The following CWH43 variants were observed in gnomAD, a reference collection of about 807,000 sequenced individuals.
CWH43 encodes the protein cell wall biogenesis 43 C-terminal homolog.
CWH43 carries 91 observed loss-of-function variants against 85.7 expected under a neutral mutation model. That is an observed-to-expected ratio of 1.06 (90% confidence interval 0.90 to 1.26). The LOEUF (loss-of-function observed/expected upper bound fraction) is 1.26, where lower values mean the gene tolerates loss of function less well. Among genes scored for constraint, CWH43 ranks in the 50% most tolerant of loss-of-function variants. The pLI, the probability that CWH43 is intolerant of heterozygous loss-of-function variation, is 0.00. For synonymous variants in CWH43, 323 were observed against 293.6 expected, an observed-to-expected ratio of 1.10 and a Z score of -1.02; for missense variants, 869 against 839.2, an observed-to-expected ratio of 1.04 and a Z score of -0.44.
At chr4:48,996,373 A>G (rs1782814382) in intron 5 of CWH43, among the ~76,000 whole-genome samples, 1 of 152,202 alleles carries the variant, frequency 6.6e-6, no homozygotes, top group East Asian at 1.9e-4. Context: ...TCTGTATTAC[A>G]GATTTTAAAA....
At chr4:49,016,194 C>T (rs1783536607) in intron 8 of CWH43, among the ~76,000 whole-genome samples, 1 of 152,260 alleles carries the variant, frequency 6.6e-6, no homozygotes, top group Non-Finnish European at 1.5e-5. Context: ...TACACATTTC[C>T]CCTTTGCACA....
intron 3 of CWH43, 76 bp downstream of exon 3, chr4:48,991,650 T>C: frequency 6.5e-7 from 1 of 1,529,342 alleles, no homozygotes; most frequent in Non-Finnish European, 8.9e-7. Context: ...GGCCAGGAGT[T>C]CCAGGTTATA....
intron 4 of CWH43, among the ~76,000 whole-genome samples, chr4:48,993,799 G>A (rs1782728203): frequency 6.6e-6 from 1 of 152,122 alleles, no homozygotes; most frequent in African/African-American, 2.4e-5. Context: ...TTGTTGCCCG[G>A]GCTGGAGTGC....
In CWH43 at chr4:48,988,629, A is replaced by C. The variant is rs747699030; in HGVS notation, c.196A>C (p.Lys66Gln). The C allele has an allele frequency of 6.2e-7, 1 of 1,612,976 alleles. No individual in the cohort carries two copies. The highest frequency in any genetic ancestry group is 1.3e-5 in the African/African-American group (1 of 75,012). The change falls in exon 2 of 16, where the codon AAG becomes CAG. Residue 66 changes from lysine (K) to glutamine (Q), a missense_variant. Around this residue, in one of 3 missense-constraint regions of CWH43, gnomAD observed 140 missense variants for 122.6 expected, o/e 1.14. Coordinates refer to ENST00000226432, the MANE Select transcript of CWH43 (RefSeq NM_025087.3). ...TITPFWKLVN[K>Q]KWMLTLLRII... ...TACTCCTTTCTGGAAATTGGTTAACAAGAAGTGGATGCTAACCCTGCTGAG... is the reference window on the plus strand; with the variant it reads ...TACTCCTTTCTGGAAATTGGTTAACCAGAAGTGGATGCTAACCCTGCTGAG...
At chr4:49,028,971 T>C (rs1450230518) in intron 10 of CWH43, among the ~76,000 whole-genome samples, 2 of 152,166 alleles carry the variant, frequency 1.3e-5, no homozygotes, top group Non-Finnish European at 2.9e-5. Flanking sequence ...TCTGAGCAAC[T>C]CCTCATACTG....
chr4:49,040,208 G>A (rs1028362835), intron 13 of CWH43, among the ~76,000 whole-genome samples: 26 of 151,968 alleles, frequency 1.7e-4, no homozygotes, highest in African/African-American at 6.0e-4. Flanking sequence ...ATAAACATAC[G>A]TGTGCATGTG....
chr4:49,018,002 A>AT (rs879322744), intron 9 of CWH43, among the ~76,000 whole-genome samples: 97 of 146,706 alleles, frequency 6.6e-4, no homozygotes, highest in African/African-American at 1.2e-3. Flanking sequence ...TGCCCGGCTA[A>AT]TTTTTTTTTT....
chr4:49,049,281 C>T (rs1313888710), intron 14 of CWH43, among the ~76,000 whole-genome samples: 1 of 152,156 alleles, frequency 6.6e-6, no homozygotes, highest in Non-Finnish European at 1.5e-5. Flanking sequence ...GCTGCTTCTG[C>T]TGGTCCTGCT....
chr4:49,020,233 C>T (rs1783697764), intron 9 of CWH43, among the ~76,000 whole-genome samples: 1 of 152,106 alleles, frequency 6.6e-6, no homozygotes, highest in Non-Finnish European at 1.5e-5. Flanking sequence ...TTTGCATCCT[C>T]ATAGCTTAGC....
intron 15 of CWH43, among the ~76,000 whole-genome samples, chr4:49,056,698 T>G (rs746683806): frequency 8.5e-5 from 13 of 152,064 alleles, no homozygotes; most frequent in Non-Finnish European, 1.5e-4. Flanking sequence ...TTCCTTTTGT[T>G]GACTTCAGGC....
chr4:49,021,703 T>TCA (rs1783755783), intron 9 of CWH43, among the ~76,000 whole-genome samples: 1 of 152,212 alleles, frequency 6.6e-6, no homozygotes, highest in Non-Finnish European at 1.5e-5. Context: ...TTGCATTTGT[T>TCA]TGTGTCATCT....
At position 48,994,700 on chromosome 4, in the gene CWH43, C is replaced by T. The variant is rs377675320; in HGVS notation, c.593C>T (p.Ala198Val). The T allele has an allele frequency of 6.2e-7, 1 of 1,614,192 alleles. No individual in the cohort carries two copies. Among genetic ancestry groups the T allele is most frequent in the Non-Finnish European group, 8.5e-7 (1 of 1,180,020 alleles). The change falls in exon 5 of 16, where the codon GCA (alanine) becomes GTA (valine). Residue 198 changes from alanine (A) to valine (V), a missense_variant. Around this residue, in one of 3 missense-constraint regions of CWH43, gnomAD observed 152 missense variants for 203.6 expected, o/e 0.75. Coordinates refer to ENST00000226432, the MANE Select transcript of CWH43 (RefSeq NM_025087.3). ...GCCTCTAGACCCAACTGGCTGCTGG[C>T]AGGGGCTGCTTTTGGTAGCCTTGTG... ...GMASRPNWLL[A>V]GAAFGSLVFL...
At chr4:49,012,168 A>G (rs931951759) in intron 8 of CWH43, among the ~76,000 whole-genome samples, 14 of 152,096 alleles carry the variant, frequency 9.2e-5, no homozygotes, top group African/African-American at 3.4e-4. Context: ...GGATTTGTTC[A>G]TTTCTTTTCA....
chr4:49,052,655 C>T (rs905704861), intron 15 of CWH43, among the ~76,000 whole-genome samples: 2 of 152,128 alleles, frequency 1.3e-5, no homozygotes, highest in Admixed American at 6.6e-5. Context: ...ACCACAACTG[C>T]AGATTGATCC....
At chr4:49,001,006 A>T (rs374547976) in intron 6 of CWH43, among the ~76,000 whole-genome samples, 1 of 152,088 alleles carries the variant, frequency 6.6e-6, no homozygotes, top group Non-Finnish European at 1.5e-5. Flanking sequence ...ACTGTGATTC[A>T]TCTCTGGAAA....
intron 12 of CWH43, among the ~76,000 whole-genome samples, chr4:49,036,790 T>C (rs1212766576): frequency 6.6e-6 from 1 of 152,078 alleles, no homozygotes; most frequent in Non-Finnish European, 1.5e-5. Flanking sequence ...AGCGAGTGTA[T>C]TTCTCTCCTT....
chr4:49,033,586 G>T (rs1388783768), intron 12 of CWH43, among the ~76,000 whole-genome samples: 1 of 152,184 alleles, frequency 6.6e-6, no homozygotes, highest in Non-Finnish European at 1.5e-5. Flanking sequence ...CTCCCAAAAA[G>T]TAAAGAATGG....
chr4:49,027,055 AG>A (rs1239496596), intron 9 of CWH43, among the ~76,000 whole-genome samples: 2 of 152,186 alleles, frequency 1.3e-5, no homozygotes, highest in Non-Finnish European at 2.9e-5. Context: ...CAAGCAGGAG[AG>A]TGAAGAAAAA....
intron 6 of CWH43, among the ~76,000 whole-genome samples, chr4:48,999,044 C>G (rs1782908259): frequency 6.6e-6 from 1 of 152,060 alleles, no homozygotes; most frequent in Non-Finnish European, 1.5e-5. Context: ...GGTAATAAGC[C>G]TAGTACCCGT....
Sources: allele counts gnomAD v4.1 joint callset (sites outside exome capture counted in the v4.1 genomes callset), GRCh38; gene constraint gnomAD v4.1.1; regional missense constraint gnomAD v4.1.1; transcripts MANE v1.5; gene names NCBI Gene and HGNC (gene_info 2026-07-23, HGNC 2026-07-21).